The following ARMC2 variants were observed in gnomAD, a reference collection of about 807,000 sequenced individuals.
The protein encoded by ARMC2 is armadillo repeat containing 2.
In ARMC2, 67 loss-of-function variants were observed where a neutral mutation model predicts 90.3. The ratio of observed to expected loss-of-function variants is 0.74; its 90% CI spans 0.61 to 0.91. The LOEUF (loss-of-function observed/expected upper bound fraction) is 0.91, where lower values mean the gene tolerates loss of function less well. ARMC2 is among the 40% of genes least tolerant of loss of function. The probability of loss-of-function intolerance (pLI) is 0.00; values close to 1 mark genes in which losing one functional copy is unlikely to be tolerated. For synonymous variants in ARMC2, 393 were observed against 393.0 expected, an observed-to-expected ratio of 1.00 and a Z score of 0.00; for missense variants, 920 against 1,030.9, an observed-to-expected ratio of 0.89 and a Z score of 1.47.
At chr6:108,913,538 A>AT (rs1273516900) in intron 10 of ARMC2, among the ~76,000 whole-genome samples, 1 of 152,126 alleles carries the variant, frequency 6.6e-6, no homozygotes, top group African/African-American at 2.4e-5. Context: ...GAATCATTTA[A>AT]TTTTTTCCCT....
At chr6:108,860,577 G>C (rs951045212) in intron 3 of ARMC2, among the ~76,000 whole-genome samples, 5 of 151,306 alleles carry the variant, frequency 3.3e-5, no homozygotes, top group Admixed American at 2.0e-4. Context: ...CAGGAGAATG[G>C]CTTGAACTGG....
chr6:108,953,003 A>G lies in ARMC2; in HGVS notation c.1597-30A>G, dbSNP rs780075753. The G allele has an allele frequency of 3.8e-6, 6 of 1,566,052 alleles. No homozygotes were observed. In the East Asian group the frequency reaches 9.2e-5, roughly 24 times the overall value. ...CACGATGTGTTCCAGCCCCCTTTGCACTTTTGACTCTGTCTTTCGTTTATT... is the reference window on the plus strand; with the variant it reads ...CACGATGTGTTCCAGCCCCCTTTGCGCTTTTGACTCTGTCTTTCGTTTATT... On this transcript the variant is annotated intron_variant, in intron 12 of 17. Transcript: ENST00000392644.
At chr6:108,972,176 A>G (rs1411258314) in intron 17 of ARMC2, among the ~76,000 whole-genome samples, 1 of 152,198 alleles carries the variant, frequency 6.6e-6, no homozygotes, top group African/African-American at 2.4e-5. Context: ...TGGATTGAAT[A>G]TATTTATGGT....
downstream of ARMC2, among the ~76,000 whole-genome samples, chr6:108,977,851 T>C (rs1779014615): frequency 6.6e-6 from 1 of 152,172 alleles, no homozygotes; most frequent in Admixed American, 6.5e-5. Context: ...GATATCCCCT[T>C]TATCATTTTT....
intron 8 of ARMC2, among the ~76,000 whole-genome samples, chr6:108,905,286 TA>T (rs1772564863): frequency 6.6e-6 from 1 of 152,190 alleles, no homozygotes; most frequent in African/African-American, 2.4e-5. Context: ...AAGTCTTTCA[TA>T]AAGCAGAATT....
At chr6:109,021,006 T>C in the ARMC2 span, among the ~76,000 whole-genome samples, 5 of 152,152 alleles carry the variant, frequency 3.3e-5, no homozygotes, top group Non-Finnish European at 7.3e-5. Flanking sequence ...GACACTTTAT[T>C]TTCTTTTTTA....
At chr6:109,013,562 G>C in the ARMC2 span, among the ~76,000 whole-genome samples, 1 of 152,196 alleles carries the variant, frequency 6.6e-6, no homozygotes, top group Non-Finnish European at 1.5e-5. Flanking sequence ...AGTAGAAAAA[G>C]CAGTAATTAG....
chr6:108,961,242 G>A (rs112910303), intron 13 of ARMC2, among the ~76,000 whole-genome samples: 96 of 152,298 alleles, frequency 6.3e-4, no homozygotes, highest in African/African-American at 2.2e-3. Flanking sequence ...AGGCGGGATT[G>A]GAGATGGCTC....
At chr6:109,007,805 T>G in the ARMC2 span, among the ~76,000 whole-genome samples, 1 of 132,974 alleles carries the variant, frequency 7.5e-6, no homozygotes, top group East Asian at 2.0e-4. Flanking sequence ...TTTTTTTTTT[T>G]GCCTTCTATG....
intron 6 of ARMC2, among the ~76,000 whole-genome samples, chr6:108,894,766 T>TG: frequency 1.4e-5 from 2 of 138,516 alleles, no homozygotes; most frequent in African/African-American, 5.6e-5. Flanking sequence ...CAGTCTTTTT[T>TG]TTTTTTTTTT....
chr6:108,995,785 A>G, the ARMC2 span, among the ~76,000 whole-genome samples: 1 of 152,188 alleles, frequency 6.6e-6, no homozygotes, highest in Non-Finnish European at 1.5e-5. Context: ...CTTTGTCTCA[A>G]AAAGAGAAAA....
At chr6:108,932,638 C>CCTG (rs1054711462) in intron 11 of ARMC2, among the ~76,000 whole-genome samples, 1 of 148,308 alleles carries the variant, frequency 6.7e-6, no homozygotes, top group Non-Finnish European at 1.5e-5. Context: ...ACACCATTCT[C>CCTG]CTGCCTCAGC....
Position 108,854,233 on chromosome 6 carries a change from G to T in ARMC2, c.-35G>T. ...GTACCATGTATTTGCAGGGTGTGGTGTCTATCTGAAGAATATTTTACTTTC... is the reference window on the plus strand; with the variant it reads ...GTACCATGTATTTGCAGGGTGTGGTTTCTATCTGAAGAATATTTTACTTTC... On this transcript the variant is annotated 5_prime_UTR_variant, in exon 2 of 18. Coordinates refer to ENST00000392644, the MANE Select transcript of ARMC2 (RefSeq NM_032131.6). The T allele has an allele frequency of 6.7e-7, 1 of 1,498,840 alleles. No homozygotes were observed. The allele number at this position is 1,498,840 out of a possible 1,614,324, so 92.8% of individuals were successfully genotyped here. A position where few individuals can be genotyped will look rare whatever the true frequency, so the allele number is the denominator to read the frequency against.
chr6:109,021,758 A>C, the ARMC2 span, among the ~76,000 whole-genome samples: 1 of 152,110 alleles, frequency 6.6e-6, no homozygotes, highest in African/African-American at 2.4e-5. Flanking sequence ...CTTTATCTTC[A>C]GTTGTCACAG....
intron 6 of ARMC2, 130 bp downstream of exon 6, chr6:108,894,673 A>T: frequency 1.3e-5 from 8 of 616,264 alleles, no homozygotes; most frequent in South Asian, 5.4e-5. Context: ...ATCAACATTT[A>T]TTTTTATACA....
At chr6:108,917,269 C>T (rs1259986201) in intron 10 of ARMC2, among the ~76,000 whole-genome samples, 1 of 152,076 alleles carries the variant, frequency 6.6e-6, no homozygotes, top group Non-Finnish European at 1.5e-5. Flanking sequence ...CTTCTCTGGC[C>T]CCTAAGCCTG....
intron 10 of ARMC2, among the ~76,000 whole-genome samples, chr6:108,923,386 G>GGGTT (rs1774779679): frequency 6.6e-6 from 1 of 151,888 alleles, no homozygotes; most frequent in Non-Finnish European, 1.5e-5. Context: ...AGGGCCCAGT[G>GGGTT]GGTGGGCTTT....
the ARMC2 span, chr6:108,990,807 G>A: frequency 6.2e-7 from 1 of 1,613,932 alleles, no homozygotes; most frequent in Non-Finnish European, 8.5e-7. Context: ...ATTTACCAAA[G>A]AATAACCATG....
At position 108,861,301 on chromosome 6, in the gene ARMC2, C is replaced by T. The variant is rs114124767; in HGVS notation, c.291+3030C>T. The stretch of plus-strand genomic sequence containing the variant: ...GTTTGTATGTGTGTGTGCGTGCACA[C>T]GCATGTGCTTGTATGTATGTTTGTT... On this transcript the variant is annotated intron_variant, in intron 3 of 17. Coordinates refer to ENST00000392644, the MANE Select transcript of ARMC2 (RefSeq NM_032131.6). Among the ~76,000 whole-genome samples the T allele has an allele frequency of 9.6e-3, 1,469 of 152,288 alleles. 18 individuals are homozygous for T. The highest frequency in any genetic ancestry group is 0.031 in the African/African-American group (1,290 of 41,552).
Sources: gnomAD v4.1 joint callset for allele counts (sites outside exome capture counted in the v4.1 genomes callset) on GRCh38, gnomAD v4.1.1 for gene constraint, MANE v1.5 for transcripts, NCBI Gene and HGNC (gene_info 2026-07-23, HGNC 2026-07-21) for gene names.